The following TMEM14B variants were observed in gnomAD, a reference collection of about 807,000 sequenced individuals.
TMEM14B encodes the protein transmembrane protein 14B.
TMEM14B carries 9 observed loss-of-function variants against 14.8 expected under a neutral mutation model. That is an observed-to-expected ratio of 0.61 (90% confidence interval 0.37 to 1.06). The LOEUF is 1.06. Among genes scored for constraint, TMEM14B ranks in the 50% least tolerant of loss-of-function variants. The pLI is 0.01. For missense variants in TMEM14B, 128 were observed against 143.6 expected (o/e 0.89, Z 0.56); for synonymous variants, 40 against 51.3 (o/e 0.78, Z 0.94).
At chr6:10,754,057 G>A (rs924026316) in intron 4 of TMEM14B, among the ~76,000 whole-genome samples, 6 of 152,078 alleles carry the variant, frequency 3.9e-5, no homozygotes, top group African/African-American at 1.4e-4. Context: ...GCGGATTGCC[G>A]AGCTCAGGAG....
rs1771447731 is a variant in TMEM14B at position 10,749,089 on chromosome 6, A to AC, written c.-44-112dup. The AC allele has an allele frequency of 1.0e-5, 7 of 671,156 alleles. No homozygotes were observed. The South Asian group carries it at 1.2e-4, about 12-fold the overall frequency. The allele number at this position is 671,156 out of a possible 1,614,324, so 41.6% of individuals were successfully genotyped here. On this transcript the variant is annotated intron_variant, in intron 1 of 5. Coordinates refer to ENST00000379542, the MANE Select transcript of TMEM14B (RefSeq NM_030969.5). ...TTGGTACCAGTGTTATCCTCATGGT[A>AC]CAGTGAAGGATACTGAGACTTAGGT...
At chr6:10,758,093 T>C (rs1771866508), downstream of TMEM14B, among the ~76,000 whole-genome samples, 1 of 152,188 alleles carries the variant, frequency 6.6e-6, no homozygotes, top group Admixed American at 6.5e-5. Context: ...AGCCCCTGGA[T>C]GGTGGTCCTA....
At chr6:10,749,344 A>G in intron 2 of TMEM14B, 76 bp downstream of exon 2, 3 of 1,570,068 alleles carry the variant, frequency 1.9e-6, no homozygotes, top group South Asian at 1.1e-5. Context: ...GCTGAAAAGA[A>G]CCCTAAGAGT....
intron 4 of TMEM14B, among the ~76,000 whole-genome samples, chr6:10,753,307 C>A (rs1771663753): frequency 6.6e-6 from 1 of 152,212 alleles, no homozygotes; most frequent in East Asian, 1.9e-4. Flanking sequence ...CTGTTTCTGT[C>A]CCTGTGTTTG....
chr6:10,755,118 G>C (rs1266947131), intron 4 of TMEM14B, 24 bp from the exon 5 acceptor site: 1 of 1,611,938 alleles, frequency 6.2e-7, no homozygotes, highest in Non-Finnish European at 8.5e-7. Flanking sequence ...AATGAGTTTT[G>C]ACCCTTCTTT....
chr6:10,750,024 A>G (rs1408474423), intron 3 of TMEM14B: 4 of 400,440 alleles, frequency 1.0e-5, no homozygotes, highest in Non-Finnish European at 1.9e-5. Flanking sequence ...GTAGGAGTCA[A>G]CCTCTGGCCT....
chr6:10,756,972 A>C lies in TMEM14B; in HGVS notation c.*454A>C. ...AATATCAATGAAAATAAAGTTTACT[A>C]TAAATAATATTTCCTATGGTGTCTT... On this transcript the variant is annotated 3_prime_UTR_variant, in exon 6 of 6. Coordinates refer to ENST00000379542, the MANE Select transcript of TMEM14B (RefSeq NM_030969.5). 1.0e-6 allele frequency: 1 copy of C among 984,066 alleles called. No individual in the cohort carries two copies. The highest frequency in any genetic ancestry group is 1.2e-6 in the Non-Finnish European group (1 of 828,634). 61.0% of individuals were successfully genotyped at this position (984,066 alleles called of 1,614,324 possible). A position where few individuals can be genotyped will look rare whatever the true frequency, so the allele number is the denominator to read the frequency against.
chr6:10,752,566 C>T lies in TMEM14B; in HGVS notation c.202+1332C>T, dbSNP rs1581613262. Among the ~76,000 whole-genome samples the T allele has an allele frequency of 4.7e-5, 7 of 149,972 alleles. No homozygotes were observed. The South Asian group carries it at 6.3e-4, about 13-fold the overall frequency. ...CCGCCTCTTGGATTCAAGTGGTTCT[C>T]CTGCCTCAGCCTTCTAGGTAGTTGG... On this transcript the variant is annotated intron_variant, in intron 4 of 5. Transcript: ENST00000379542.
intron 3 of TMEM14B, among the ~76,000 whole-genome samples, chr6:10,750,257 A>G (rs1011083881): frequency 2.0e-5 from 3 of 151,088 alleles, no homozygotes; most frequent in East Asian, 2.0e-4. Flanking sequence ...CCAGCCCTTC[A>G]TGGTTGATGA....
intron 4 of TMEM14B, among the ~76,000 whole-genome samples, chr6:10,753,259 C>G (rs1161187166): frequency 6.6e-6 from 1 of 152,010 alleles, no homozygotes; most frequent in East Asian, 1.9e-4. Flanking sequence ...TCATTTATGC[C>G]TCCTCTCCCA....
intron 1 of TMEM14B, among the ~76,000 whole-genome samples, chr6:10,748,507 C>T (rs561414288): frequency 1.2e-4 from 18 of 152,194 alleles, no homozygotes; most frequent in Non-Finnish European, 2.2e-4. Flanking sequence ...CCTGCCTGGG[C>T]CTCCCAAAGT....
chr6:10,748,557 T>A (rs1359083666), intron 1 of TMEM14B, among the ~76,000 whole-genome samples: 4 of 152,204 alleles, frequency 2.6e-5, no homozygotes, highest in Admixed American at 6.5e-5. Flanking sequence ...CTGGCCTAAT[T>A]CTTTAAACAG....
intron 1 of TMEM14B, 26 bp from the exon 2 acceptor site, chr6:10,749,176 C>A: frequency 6.4e-7 from 1 of 1,555,016 alleles, no homozygotes; most frequent in Non-Finnish European, 8.9e-7. Flanking sequence ...CTTTTAACCA[C>A]TGCTGATCCG....
intron 2 of TMEM14B, 141 bp downstream of exon 2, chr6:10,749,409 A>G (rs1771462876): frequency 2.0e-5 from 25 of 1,245,406 alleles, no homozygotes; most frequent in Non-Finnish European, 2.9e-5. Context: ...GTGGGCCAGA[A>G]ACTTGGGTTT....
At chr6:10,749,294 A>G (rs1170483743) in intron 2 of TMEM14B, 26 bp downstream of exon 2, 2 of 1,613,850 alleles carry the variant, frequency 1.2e-6, no homozygotes, top group Non-Finnish European at 1.7e-6. Context: ...ATGGTTAGAG[A>G]GTAGCCAGGA....
Position 10,754,223 on chromosome 6 carries a change from AAAT to A in TMEM14B, c.203-906_203-904del, listed in dbSNP as rs761159035. 3.3e-5 allele frequency among the ~76,000 whole-genome samples: 5 copies of A among 152,296 alleles called. No homozygotes were observed. The South Asian group carries it at 6.2e-4, about 19-fold the overall frequency. On this transcript the variant is annotated intron_variant, in intron 4 of 5. Transcript: ENST00000379542. ...TTGCAGAGTGAGACTCTGTCTCAAA[AAAT>A]AATAATAATAATGCAACTCTTTTTA...
intron 4 of TMEM14B, among the ~76,000 whole-genome samples, chr6:10,754,002 G>T (rs1043212997): frequency 5.9e-5 from 9 of 152,134 alleles, no homozygotes; most frequent in African/African-American, 1.9e-4. Context: ...GGCCGGTTGC[G>T]GTGGCTCCTG....
downstream of TMEM14B, chr6:10,759,207 C>CGCCCAGCTCCTT: frequency 6.5e-6 from 1 of 152,886 alleles, no homozygotes; most frequent in Non-Finnish European, 1.5e-5. Flanking sequence ...TGAGCCACCG[C>CGCCCAGCTCCTT]ACCAGGCCAA....
At chr6:10,758,476 C>T (rs1771876916), downstream of TMEM14B, among the ~76,000 whole-genome samples, 1 of 152,214 alleles carries the variant, frequency 6.6e-6, no homozygotes, top group East Asian at 1.9e-4. Flanking sequence ...GCCAAGTGCC[C>T]TCATCCCTGC....
Sources: gnomAD v4.1 joint callset for allele counts (sites outside exome capture counted in the v4.1 genomes callset) on GRCh38, gnomAD v4.1.1 for gene constraint, MANE v1.5 for transcripts, NCBI Gene and HGNC (gene_info 2026-07-23, HGNC 2026-07-21) for gene names.